Variants in CEMIP observed in about 807,000 individuals in gnomAD.
CEMIP encodes cell migration-inducing and hyaluronan-binding protein.
In CEMIP, 105 loss-of-function variants were observed where a neutral mutation model predicts 156.9. The ratio of observed to expected loss-of-function variants is 0.67; its 90% confidence interval spans 0.57 to 0.79. CEMIP has a LOEUF of 0.79. CEMIP is among the 30% of genes least tolerant of loss of function. The pLI is 0.00. For missense variants in CEMIP, 1,457 were observed against 1,769.4 expected (o/e 0.82, Z 3.17); for synonymous variants, 676 against 668.4 (o/e 1.01, Z -0.17).
intron 1 of CEMIP, among the ~76,000 whole-genome samples, chr15:80,821,362 A>G (rs1352966812): frequency 1.3e-5 from 2 of 152,232 alleles, no homozygotes; most frequent in African/African-American, 2.4e-5. Context: ...TTAGGAAGTT[A>G]TGACCCATAT....
At chr15:80,792,847 G>A (rs993262468) in intron 1 of CEMIP, among the ~76,000 whole-genome samples, 3 of 152,110 alleles carry the variant, frequency 2.0e-5, no homozygotes, top group Non-Finnish European at 2.9e-5. Context: ...ATGAGATCAG[G>A]AACTAGTCCA....
At chr15:80,926,831 GTCT>G (rs1028911618) in intron 19 of CEMIP, among the ~76,000 whole-genome samples, 2 of 106,544 alleles carry the variant, frequency 1.9e-5, no homozygotes, top group African/African-American at 5.1e-5. Flanking sequence ...GGGGGGGGGG[GTCT>G]TCTTTTTTTT....
intron 1 of CEMIP, among the ~76,000 whole-genome samples, chr15:80,847,201 A>G (rs1452897889): frequency 6.6e-6 from 1 of 152,166 alleles, no homozygotes; most frequent in Non-Finnish European, 1.5e-5. Flanking sequence ...GGCATGCACC[A>G]TCATGCCTGG....
intron 1 of CEMIP, among the ~76,000 whole-genome samples, chr15:80,812,337 C>G (rs755926416): frequency 6.6e-6 from 1 of 152,182 alleles, no homozygotes; most frequent in Non-Finnish European, 1.5e-5. Context: ...CAATGAGAAG[C>G]TTCTAGGTCA....
chr15:80,792,276 G>A (rs1896100416), intron 1 of CEMIP, among the ~76,000 whole-genome samples: 1 of 152,224 alleles, frequency 6.6e-6, no homozygotes, highest in African/African-American at 2.4e-5. Flanking sequence ...GTTAGGTTTT[G>A]TTGACTGCAA....
rs1025440708 is a variant in CEMIP, at chr15:80,929,807, C to T, written c.2612+633C>T. Among the ~76,000 whole-genome samples, 18 of 152,172 alleles carry T rather than the reference C, an allele frequency of 1.2e-4. 1 individual carries two copies. The highest frequency in any genetic ancestry group is 3.9e-4 in the African/African-American group (16 of 41,422). ...CTCAACAACAGAATAGCAGGACTGTCCTGAGGAGTCCTGGTTTCTGCGGCT... is the reference window on the plus strand; with the variant it reads ...CTCAACAACAGAATAGCAGGACTGTTCTGAGGAGTCCTGGTTTCTGCGGCT... On this transcript the variant is annotated intron_variant, in intron 21 of 29. Transcript: ENST00000394685.
At chr15:80,820,903 GTTA>G (rs1896894110) in intron 1 of CEMIP, among the ~76,000 whole-genome samples, 1 of 152,210 alleles carries the variant, frequency 6.6e-6, no homozygotes, top group East Asian at 1.9e-4. Flanking sequence ...ACTGTTTTAT[GTTA>G]TTATTAACTA....
intron 10 of CEMIP, among the ~76,000 whole-genome samples, chr15:80,890,028 T>C (rs1055808566): frequency 1.3e-5 from 2 of 152,234 alleles, no homozygotes; most frequent in Non-Finnish European, 2.9e-5. Flanking sequence ...CCAGCATTCA[T>C]AGAATGGACA....
chr15:80,839,335 A>AAGGCTGTGGAGTCAAGGCCGTGAG (rs1897338465), intron 1 of CEMIP, among the ~76,000 whole-genome samples: 1 of 67,142 alleles, frequency 1.5e-5, no homozygotes, highest in Non-Finnish European at 2.7e-5. Context: ...TGTGTGTTTA[A>AAGGCTGTGGAGTCAAGGCCGTGAG]TTTGTGGCTT....
chr15:80,792,846 G>T (rs897603731), intron 1 of CEMIP, among the ~76,000 whole-genome samples: 4 of 152,138 alleles, frequency 2.6e-5, no homozygotes, highest in African/African-American at 9.7e-5. Flanking sequence ...CATGAGATCA[G>T]GAACTAGTCC....
chr15:80,794,141 C>G (rs1896155583), intron 1 of CEMIP, among the ~76,000 whole-genome samples: 1 of 152,198 alleles, frequency 6.6e-6, no homozygotes, highest in Non-Finnish European at 1.5e-5. Flanking sequence ...GGTTTAACCA[C>G]AGGTGACCTA....
chr15:80,791,836 A>G (rs1264267825), intron 1 of CEMIP, among the ~76,000 whole-genome samples: 1 of 152,204 alleles, frequency 6.6e-6, no homozygotes, highest in Non-Finnish European at 1.5e-5. Context: ...AGTGGGATAA[A>G]GGGACAGCAT....
chr15:80,921,639 C>A (rs1283642703), intron 16 of CEMIP, among the ~76,000 whole-genome samples: 1 of 152,182 alleles, frequency 6.6e-6, no homozygotes, highest in Non-Finnish European at 1.5e-5. Context: ...GGGACCCTGA[C>A]CTTGACCTGG....
At chr15:80,817,083 C>T (rs983071469) in intron 1 of CEMIP, among the ~76,000 whole-genome samples, 1 of 151,878 alleles carries the variant, frequency 6.6e-6, no homozygotes, top group Admixed American at 6.6e-5. Flanking sequence ...GAAATAGAAA[C>T]GGAAAGCCAT....
At chr15:80,794,946 A>G (rs2099449906) in intron 1 of CEMIP, among the ~76,000 whole-genome samples, 1 of 152,184 alleles carries the variant, frequency 6.6e-6, no homozygotes, top group African/African-American at 2.4e-5. Context: ...GGGAAGCAAC[A>G]TAGGCAGAGC....
chr15:80,845,869 A>G (rs1188615364), intron 1 of CEMIP, among the ~76,000 whole-genome samples: 1 of 152,202 alleles, frequency 6.6e-6, no homozygotes, highest in African/African-American at 2.4e-5. Flanking sequence ...CAAGGCAACT[A>G]GTGAAGTCAG....
chr15:80,949,150 G>C lies in CEMIP; in HGVS notation c.*226G>C, dbSNP rs1266910463. 1.3e-5 allele frequency: 8 copies of C among 602,004 alleles called. No individual in the cohort carries two copies. The highest frequency in any genetic ancestry group is 5.6e-5 in the South Asian group (3 of 53,474). The allele number at this position is 602,004 out of a possible 1,614,324, so 37.3% of individuals were successfully genotyped here. A position where few individuals can be genotyped will look rare whatever the true frequency, so the allele number is the denominator to read the frequency against. ...CCTGGGGCGGTGCTGGCCAATGCTG[G>C]AAACATTCACTTTCCTGCAGCCTCT... On this transcript the variant is annotated 3_prime_UTR_variant, in exon 30 of 30. Transcript: ENST00000394685.
At chr15:80,902,316 A>C (rs984913492) in intron 12 of CEMIP, among the ~76,000 whole-genome samples, 2 of 152,230 alleles carry the variant, frequency 1.3e-5, no homozygotes, top group Non-Finnish European at 2.9e-5. Flanking sequence ...CCAGGTGCTC[A>C]TGGCTCTTCT....
chr15:80,841,765 C>T (rs534971521), intron 1 of CEMIP, among the ~76,000 whole-genome samples: 1 of 152,280 alleles, frequency 6.6e-6, no homozygotes, highest in South Asian at 2.1e-4. Context: ...GAGCAGTTGG[C>T]CGTATTGCTG....
Sources: allele counts gnomAD v4.1 joint callset (sites outside exome capture counted in the v4.1 genomes callset), GRCh38; gene constraint gnomAD v4.1.1; transcripts MANE v1.5; gene names NCBI Gene and HGNC (gene_info 2026-07-23, HGNC 2026-07-21).